GPR89B: variants seen among roughly 807,000 people sequenced by gnomAD.
GPR89B encodes G protein-coupled receptor 89B.
In GPR89B, 25 loss-of-function variants were observed where a neutral mutation model predicts 52.4. The observed-to-expected ratio is 0.48, with a 90% CI of 0.35 to 0.67. The LOEUF is 0.67. GPR89B is among the 30% of genes least tolerant of loss of function. GPR89B has a pLI of 0.01. For missense variants in GPR89B, 146 were observed against 450.2 expected, an observed-to-expected ratio of 0.32 and a Z score of 6.11; for synonymous variants, 52 against 151.2, an observed-to-expected ratio of 0.34 and a Z score of 4.81.
At position 147,944,142 on chromosome 1, in the gene GPR89B, T is replaced by G. The variant is rs587604639; in HGVS notation, c.415+44T>G. Reference sequence around the variant, plus strand: ...GCAGAGGAAGTGGGGGGAGAAGATTTGTTTAATTTTCTGATTTCAAAAACA... The same window carrying G: ...GCAGAGGAAGTGGGGGGAGAAGATTGGTTTAATTTTCTGATTTCAAAAACA... On this transcript the variant is annotated intron_variant, in intron 5 of 13. Transcript: ENST00000314163. 4.8e-5 allele frequency: 76 copies of G among 1,587,948 alleles called. No individual in the cohort carries two copies. The African/African-American group carries it at 9.0e-4, about 19-fold the overall frequency.
At chr1:147,985,886 T>C (rs2149092604) in intron 10 of GPR89B, among the ~76,000 whole-genome samples, 1 of 152,348 alleles carries the variant, frequency 6.6e-6, no homozygotes, top group African/African-American at 2.4e-5. Context: ...ATTTCTTGAT[T>C]CTCTTAATCT....
chr1:148,020,737 G>T, the GPR89B span, among the ~76,000 whole-genome samples: 1 of 152,002 alleles, frequency 6.6e-6, no homozygotes, highest in South Asian at 2.1e-4. Context: ...CCCCAGATTG[G>T]AGTGCAGTTG....
rs1658321186 is a variant in GPR89B at position 147,982,348 on chromosome 1, C to T, written c.910-3851C>T. ...GTGCTAGGATTACAGGCATGAGCCA[C>T]TGCGACCGGCCTATGTTTAACCTTT... On this transcript the variant is annotated intron_variant, in intron 10 of 13. Transcript: ENST00000314163. Among the ~76,000 whole-genome samples, 3 of 151,646 alleles carry T rather than the reference C, an allele frequency of 2.0e-5. 1 individual carries two copies. Among genetic ancestry groups the T allele is most frequent in the African/African-American group, 7.3e-5 (3 of 41,042 alleles).
At chr1:147,948,353 G>A (rs1314882316) in intron 5 of GPR89B, among the ~76,000 whole-genome samples, 1 of 151,110 alleles carries the variant, frequency 6.6e-6, no homozygotes, top group Non-Finnish European at 1.5e-5. Flanking sequence ...TATTGTTAGG[G>A]TGATTATGTC....
rs1185681747 is a variant in GPR89B at position 147,962,895 on chromosome 1, C to CAA, written c.618-3647_618-3646dup. Among the ~76,000 whole-genome samples, 465 of 66,368 alleles carry CAA rather than the reference C, an allele frequency of 7.0e-3. 1 individual carries two copies. Among genetic ancestry groups the CAA allele is most frequent in the African/African-American group, 0.025 (437 of 17,370 alleles). The allele number at this position is 66,368 out of a possible 152,430, so 43.5% of individuals were successfully genotyped here. On this transcript the variant is annotated intron_variant, in intron 7 of 13. Transcript: ENST00000314163. ...TGGGCAACAGAGCGAGACTCCGTCT[C>CAA]AAAAAAAAAAAAATTAAAACAGATA...
chr1:147,965,204 A>AACT (rs1325330328), intron 7 of GPR89B, among the ~76,000 whole-genome samples: 1 of 151,736 alleles, frequency 6.6e-6, no homozygotes, highest in Non-Finnish European at 1.5e-5. Flanking sequence ...AAAAGGAAAC[A>AACT]GTTAAGTCAA....
the GPR89B span, among the ~76,000 whole-genome samples, chr1:148,016,940 C>G: frequency 1.3e-5 from 2 of 151,884 alleles, no homozygotes; most frequent in Admixed American, 1.3e-4. Context: ...TCTGCAACGT[C>G]TAATCTGCTG....
the GPR89B span, among the ~76,000 whole-genome samples, chr1:148,016,909 C>G: frequency 1.3e-5 from 2 of 151,526 alleles, no homozygotes; most frequent in Non-Finnish European, 2.9e-5. Flanking sequence ...ATTCATGGTT[C>G]CATATTCCCT....
chr1:147,949,838 G>A (rs1655428160), intron 5 of GPR89B, among the ~76,000 whole-genome samples: 1 of 143,156 alleles, frequency 7.0e-6, no homozygotes, highest in Non-Finnish European at 1.5e-5. Flanking sequence ...CAGCTTGCCG[G>A]GCAGAGGGGC....
chr1:148,013,033 T>C, the GPR89B span, among the ~76,000 whole-genome samples: 19 of 152,208 alleles, frequency 1.2e-4, no homozygotes, highest in African/African-American at 4.1e-4. Context: ...TACTGATGAT[T>C]CAGATGATGT....
chr1:148,021,225 G>A, the GPR89B span, among the ~76,000 whole-genome samples: 40 of 151,180 alleles, frequency 2.6e-4, no homozygotes, highest in Non-Finnish European at 3.0e-5. Context: ...ATTCCCGGCC[G>A]GGCGCGGTGG....
chr1:147,986,372 T>C, intron 11 of GPR89B, 78 bp downstream of exon 11: 1 of 1,593,424 alleles, frequency 6.3e-7, no homozygotes, highest in Non-Finnish European at 8.6e-7. Flanking sequence ...AGATTCTAAT[T>C]TGTATACTTT....
chr1:147,934,647 C>T (rs1214942863), intron 1 of GPR89B, among the ~76,000 whole-genome samples: 20 of 152,312 alleles, frequency 1.3e-4, no homozygotes, highest in Non-Finnish European at 2.9e-4. Flanking sequence ...GCATTATCTT[C>T]TCCAGAAAAT....
intron 10 of GPR89B, among the ~76,000 whole-genome samples, chr1:147,970,247 G>A (rs1443352719): frequency 6.6e-6 from 1 of 151,916 alleles, no homozygotes; most frequent in Non-Finnish European, 1.5e-5. Flanking sequence ...TATAATCCCA[G>A]CACTTTCGGA....
At chr1:148,021,303 C>T in the GPR89B span, among the ~76,000 whole-genome samples, 1 of 151,638 alleles carries the variant, frequency 6.6e-6, no homozygotes, top group Non-Finnish European at 1.5e-5. Flanking sequence ...GAGATCGAGA[C>T]CATCCTGGCT....
chr1:147,988,765 G>A (rs1658851467), intron 12 of GPR89B, among the ~76,000 whole-genome samples: 2 of 151,518 alleles, frequency 1.3e-5, no homozygotes. Context: ...TTGGGAGGCT[G>A]AGTTAGGAGA....
the GPR89B span, among the ~76,000 whole-genome samples, chr1:147,999,731 C>T: frequency 6.6e-6 from 1 of 151,420 alleles, no homozygotes; most frequent in Non-Finnish European, 1.5e-5. Context: ...CCTGGTTACC[C>T]TTGTCATTGC....
chr1:148,018,341 C>T, the GPR89B span, among the ~76,000 whole-genome samples: 2 of 145,410 alleles, frequency 1.4e-5, no homozygotes, highest in East Asian at 2.0e-4. Context: ...ATGGCATGAA[C>T]CTGGGAGGCA....
At chr1:147,976,876 T>C (rs1191678677) in intron 10 of GPR89B, among the ~76,000 whole-genome samples, 3 of 151,858 alleles carry the variant, frequency 2.0e-5, no homozygotes, top group Non-Finnish European at 2.9e-5. Flanking sequence ...AAGGATTTTA[T>C]TTCTCCTTCA....
Sources: allele counts gnomAD v4.1 joint callset (sites outside exome capture counted in the v4.1 genomes callset), GRCh38; gene constraint gnomAD v4.1.1; transcripts MANE v1.5; gene names NCBI Gene and HGNC (gene_info 2026-07-23, HGNC 2026-07-21).